Variants in LITAF observed in about 807,000 individuals in gnomAD.
LITAF encodes lipopolysaccharide induced TNF factor, also known as lipopolysaccharide-induced tumor necrosis factor-alpha factor.
LITAF carries 9 observed loss-of-function variants against 14.5 expected under a neutral mutation model. The observed-to-expected ratio is 0.62, with a 90% CI of 0.37 to 1.08. The LOEUF (loss-of-function observed/expected upper bound fraction) is 1.08, where lower values mean the gene tolerates loss of function less well. Among genes scored for constraint, LITAF ranks in the 50% least tolerant of loss-of-function variants. The probability of loss-of-function intolerance (pLI) is 0.01; values close to 1 mark genes in which losing one functional copy is unlikely to be tolerated. For synonymous variants in LITAF, 98 were observed against 88.2 expected (o/e 1.11, Z -0.62); for missense variants, 206 against 213.4 (o/e 0.97, Z 0.22).
intron 3 of LITAF, among the ~76,000 whole-genome samples, chr16:11,620,603 G>T (rs983671593): frequency 5.3e-5 from 8 of 152,158 alleles, no homozygotes; most frequent in Admixed American, 1.3e-4. Context: ...CAAAGCACTG[G>T]GATTACAGAC....
chr16:11,620,767 G>C (rs7195112), intron 3 of LITAF, among the ~76,000 whole-genome samples: 40,434 of 152,180 alleles, frequency 0.27, 7,095 homozygotes, highest in African/African-American at 0.49. Context: ...ATAGGGAGTG[G>C]TGGGGACTGT....
intron 1 of LITAF, among the ~76,000 whole-genome samples, chr16:11,580,526 T>TTA (rs1567251261): frequency 2.3e-4 from 35 of 151,972 alleles, no homozygotes; most frequent in African/African-American, 8.2e-4. Flanking sequence ...AAAGTGCTGG[T>TTA]ATTACAGGCG....
chr16:11,551,801 C>G (rs1018428117), intron 3 of LITAF: 7 of 645,436 alleles, frequency 1.1e-5, no homozygotes, highest in Non-Finnish European at 2.0e-5. Flanking sequence ...CACTGCACTC[C>G]TGCCTGGACA....
chr16:11,608,298 G>T lies in LITAF; in HGVS notation c.85+25235C>A, dbSNP rs149723982. On this transcript the variant is annotated intron_variant, in intron 3 of 3. Coordinates refer to the LITAF transcript ENST00000574848. ...CCCTCGTTATGGTGAGAAGAACGGG[G>T]AGCAGTGAGGAAAGGGACGTAGCTG... Among the ~76,000 whole-genome samples the T allele has an allele frequency of 4.6e-3, 706 of 152,346 alleles. 10 individuals are homozygous for T. Among genetic ancestry groups the T allele is most frequent in the African/African-American group, 0.016 (684 of 41,582 alleles).
intron 1 of LITAF, among the ~76,000 whole-genome samples, chr16:11,571,702 G>C (rs1488098018): frequency 6.6e-6 from 1 of 152,184 alleles, no homozygotes; most frequent in Non-Finnish European, 1.5e-5. Context: ...CCATCTCTAG[G>C]TGGGAGTGGG....
At chr16:11,571,415 A>G (rs1346146565) in intron 1 of LITAF, among the ~76,000 whole-genome samples, 3 of 152,208 alleles carry the variant, frequency 2.0e-5, no homozygotes, top group Non-Finnish European at 4.4e-5. Flanking sequence ...TTCAGGCTCC[A>G]GAACTGGAAG....
chr16:11,595,240 C>G lies in LITAF; in HGVS notation c.-6+3148G>C, dbSNP rs971621514. Among the ~76,000 whole-genome samples, 3 of 152,332 alleles carry G rather than the reference C, an allele frequency of 2.0e-5. No homozygotes were observed. The East Asian group carries it at 5.8e-4, about 29-fold the overall frequency. The stretch of plus-strand genomic sequence containing the variant: ...CTGGGATTCTTCCAGCTGAGTTATG[C>G]AGATGGGGAGCCTGAGGCCAGGAGG... On this transcript the variant is annotated intron_variant, in intron 1 of 3. Coordinates refer to the LITAF transcript ENST00000571627.
rs140587698 is a variant in LITAF, at chr16:11,632,767, T to C, written c.85+766A>G. Among the ~76,000 whole-genome samples, 527 of 152,322 alleles carry C rather than the reference T, an allele frequency of 3.5e-3. 4 individuals are homozygous for C. The highest frequency in any genetic ancestry group is 0.012 in the African/African-American group (508 of 41,570). ...AGAGTCCAGCCCCCATGCACATGACTATGTGGTGCCCTCAGCCCCCGCACG... is the reference window on the plus strand; with the variant it reads ...AGAGTCCAGCCCCCATGCACATGACCATGTGGTGCCCTCAGCCCCCGCACG... On this transcript the variant is annotated intron_variant, in intron 3 of 3. Transcript: ENST00000574848. The surrounding 1 kb of genome is among the most constrained non-coding windows in gnomAD (Gnocchi z 4.8).
intron 1 of LITAF, among the ~76,000 whole-genome samples, chr16:11,564,531 G>A (rs1234563416): frequency 1.3e-5 from 2 of 151,944 alleles, no homozygotes; most frequent in Non-Finnish European, 2.9e-5. Flanking sequence ...AAACCTGCAG[G>A]TCAAAAGGTA....
intron 2 of LITAF, among the ~76,000 whole-genome samples, chr16:11,635,165 A>G (rs191064461): frequency 6.6e-6 from 1 of 152,244 alleles, no homozygotes; most frequent in African/African-American, 2.4e-5. Flanking sequence ...CTGTCATGAT[A>G]AATCAGCTCT....
At chr16:11,585,907 G>C (rs2064797908) in intron 1 of LITAF, among the ~76,000 whole-genome samples, 1 of 152,176 alleles carries the variant, frequency 6.6e-6, no homozygotes, top group African/African-American at 2.4e-5. Context: ...TCGGGAAGTA[G>C]AAAACCAGTG....
At chr16:11,564,205 C>T (rs1238033000) in intron 1 of LITAF, among the ~76,000 whole-genome samples, 1 of 152,004 alleles carries the variant, frequency 6.6e-6, no homozygotes, top group African/African-American at 2.4e-5. Flanking sequence ...CCACCGCGCC[C>T]GGCCTCAGTT....
intron 1 of LITAF, among the ~76,000 whole-genome samples, chr16:11,585,628 C>T (rs980275642): frequency 6.6e-6 from 1 of 152,082 alleles, no homozygotes; most frequent in East Asian, 1.9e-4. Context: ...ATAGGAAGTC[C>T]TAAAAAGAGT....
chr16:11,603,925 T>C (rs1343082932), intron 3 of LITAF, among the ~76,000 whole-genome samples: 2 of 152,078 alleles, frequency 1.3e-5, no homozygotes, highest in Admixed American at 6.5e-5. Context: ...CGGGCGCCTG[T>C]AGTCCCAGCT....
chr16:11,607,542 C>T (rs868256518), intron 3 of LITAF, among the ~76,000 whole-genome samples: 27 of 149,264 alleles, frequency 1.8e-4, no homozygotes, highest in Middle Eastern at 3.4e-3. Context: ...GGGTATCATT[C>T]GGGAAAAAAA....
intron 1 of LITAF, among the ~76,000 whole-genome samples, chr16:11,578,747 A>C (rs976909381): frequency 6.6e-6 from 1 of 152,178 alleles, no homozygotes; most frequent in African/African-American, 2.4e-5. Flanking sequence ...CCACAACCCC[A>C]CTGTAATCAT....
At chr16:11,596,213 G>A (rs996785092) in intron 1 of LITAF, among the ~76,000 whole-genome samples, 5 of 152,070 alleles carry the variant, frequency 3.3e-5, no homozygotes, top group African/African-American at 7.2e-5. Flanking sequence ...CAGCCCAGCC[G>A]GATAGCAGGT....
intron 1 of LITAF, among the ~76,000 whole-genome samples, chr16:11,583,684 G>C (rs1171943921): frequency 1.3e-5 from 2 of 152,138 alleles, no homozygotes; most frequent in African/African-American, 4.8e-5. Flanking sequence ...TCAAGTTTAA[G>C]GCAAGACATC....
rs934334217 is a variant in LITAF, at chr16:11,547,811, T to C, written c.*1826A>G. 3.5e-5 allele frequency: 16 copies of C among 454,028 alleles called. No homozygotes were observed. The Admixed American group carries it at 3.8e-4, about 11-fold the overall frequency. 28.1% of individuals were successfully genotyped at this position (454,028 alleles called of 1,614,324 possible). A position where few individuals can be genotyped will look rare whatever the true frequency, so the allele number is the denominator to read the frequency against. On this transcript the variant is annotated 3_prime_UTR_variant, in exon 4 of 4. Coordinates refer to ENST00000622633, the MANE Select transcript of LITAF (RefSeq NM_001136472.2). ...GGGTTCCAATAGCCTCATGTTCAAA[T>C]CTGACTCGTTAGCAAATCCACCCAA...
Sources: allele counts gnomAD v4.1 joint callset (sites outside exome capture counted in the v4.1 genomes callset), GRCh38; gene constraint gnomAD v4.1.1; non-coding constraint Gnocchi (gnomAD v3.1); transcripts MANE v1.5; gene names NCBI Gene and HGNC (gene_info 2026-07-23, HGNC 2026-07-21).